DNAH9: variants seen among roughly 807,000 people sequenced by gnomAD.
DNAH9 encodes DNAH9 variant protein.
A neutral mutation model predicts 471.6 loss-of-function variants in DNAH9; 345 were observed. That is an observed-to-expected ratio of 0.73 (90% CI 0.67 to 0.80). DNAH9 has a LOEUF of 0.80. DNAH9 is among the 30% of genes least tolerant of loss of function. The pLI is 0.00. For missense variants in DNAH9, 5,407 were observed against 5,609.2 expected (o/e 0.96, Z 1.15); for synonymous variants, 2,093 against 2,123.6 (o/e 0.99, Z 0.40).
At chr17:11,945,796 C>T (rs571369465) in intron 67 of DNAH9, among the ~76,000 whole-genome samples, 6 of 151,892 alleles carry the variant, frequency 4.0e-5, no homozygotes, top group Admixed American at 1.3e-4. Flanking sequence ...CAGTGGCTCA[C>T]GCCTGTAATC....
At position 11,744,917 on chromosome 17, in the gene DNAH9, A is replaced by C. The variant is rs2075495825; in HGVS notation, c.6232A>C (p.Asn2078His). 6.2e-7 allele frequency: 1 copy of C among 1,614,042 alleles called. No homozygotes were observed. The highest frequency in any genetic ancestry group is 8.5e-7 in the Non-Finnish European group (1 of 1,180,038). The change falls in exon 31 of 69, where the codon AAC becomes CAC. Residue 2078 changes from asparagine (N) to histidine (H), a missense_variant. Physicochemically the swap from Asn to His is moderately conservative, Grantham distance 68 (BLOSUM62 1). Around this residue, in one of 3 missense-constraint regions of DNAH9, gnomAD observed 4,636 missense variants for 4,900.3 expected, o/e 0.95. Transcript: ENST00000262442. ...QVLMRSLRDF[N>H]IPKIVTDDMP... Reference sequence around the variant, plus strand: ...CCTGATGCGCTCCTTGCGGGATTTCAACATCCCCAAGATTGTGACTGATGA... The same window carrying C: ...CCTGATGCGCTCCTTGCGGGATTTCCACATCCCCAAGATTGTGACTGATGA...
chr17:11,920,035 CTTTTT>C (rs1165405913), intron 61 of DNAH9, among the ~76,000 whole-genome samples: 1 of 135,952 alleles, frequency 7.4e-6, no homozygotes. Flanking sequence ...TAAGTTCTTT[CTTTTT>C]TTTTTTTTTT....
At chr17:11,953,394 C>G (rs1185047204) in intron 67 of DNAH9, among the ~76,000 whole-genome samples, 1 of 152,192 alleles carries the variant, frequency 6.6e-6, no homozygotes, top group African/African-American at 2.4e-5. Context: ...CCCTCCTTAT[C>G]ACTCTCATTC....
At chr17:11,843,859 GTGTGTATATATATA>G (rs1234862920) in intron 49 of DNAH9, among the ~76,000 whole-genome samples, 4 of 47,014 alleles carry the variant, frequency 8.5e-5, no homozygotes, top group Admixed American at 6.5e-4. Flanking sequence ...GTGTGTGTGT[GTGTGTATATATATA>G]TATATATATA....
chr17:11,635,800 T>A (rs944935172), intron 8 of DNAH9, among the ~76,000 whole-genome samples: 1 of 152,194 alleles, frequency 6.6e-6, no homozygotes, highest in Non-Finnish European at 1.5e-5. Flanking sequence ...GCAGTCTGAA[T>A]GCACAGGAAC....
In DNAH9 at chr17:11,623,188, G is replaced by A. The variant is rs554855874; in HGVS notation, c.1350+3407G>A. On this transcript the variant is annotated intron_variant, in intron 6 of 68. Coordinates refer to ENST00000262442, the MANE Select transcript of DNAH9 (RefSeq NM_001372.4). This position sits in a 1 kb window ranked among gnomAD's most constrained non-coding sequence, Gnocchi z 4.1. ...AGGGTCTTTCTGTGTTGGTCAGGCT[G>A]GTCTTGAACTCCCAACCTCAGGAGA... Among the ~76,000 whole-genome samples, 1 of 151,800 alleles carries A rather than the reference G, an allele frequency of 6.6e-6. No individual in the cohort carries two copies. Among genetic ancestry groups the A allele is most frequent in the African/African-American group, 2.4e-5 (1 of 41,326 alleles).
In DNAH9 at chr17:11,818,896, A is replaced by G. The variant is rs187372160; in HGVS notation, c.8708-3024A>G. ...TGTCTCCATTATTACTATTATTATT[A>G]TTATTATTATTATTATTTGCAGTTT... On this transcript the variant is annotated intron_variant, in intron 45 of 68. Coordinates refer to ENST00000262442, the MANE Select transcript of DNAH9 (RefSeq NM_001372.4). Among the ~76,000 whole-genome samples, 149 of 150,080 alleles carry G rather than the reference A, an allele frequency of 9.9e-4. 3 individuals carry two copies. Among genetic ancestry groups the G allele is most frequent in the Non-Finnish European group, 1.5e-3 (98 of 67,550 alleles).
intron 67 of DNAH9, among the ~76,000 whole-genome samples, chr17:11,951,499 G>A (rs908486179): frequency 6.6e-6 from 1 of 151,832 alleles, no homozygotes; most frequent in African/African-American, 2.4e-5. Flanking sequence ...TAGCCAACAT[G>A]GCAAAATCCC....
chr17:11,670,550 G>A (rs1167554427), intron 17 of DNAH9, among the ~76,000 whole-genome samples: 1 of 152,134 alleles, frequency 6.6e-6, no homozygotes, highest in East Asian at 1.9e-4. Context: ...TGCTGGTTTT[G>A]CTTAATGCTG....
At chr17:11,910,066 TA>T (rs1371258078) in intron 61 of DNAH9, among the ~76,000 whole-genome samples, 1 of 152,094 alleles carries the variant, frequency 6.6e-6, no homozygotes, top group Non-Finnish European at 1.5e-5. Flanking sequence ...CCATCCTGGC[TA>T]ACACGGTGAA....
Position 11,613,388 on chromosome 17 carries a change from G to A in DNAH9, c.904+1608G>A, listed in dbSNP as rs141969533. Among the ~76,000 whole-genome samples the A allele has an allele frequency of 2.5e-3, 378 of 152,268 alleles. 2 individuals carry two copies. Among genetic ancestry groups the A allele is most frequent in the African/African-American group, 7.9e-3 (329 of 41,558 alleles). On this transcript the variant is annotated intron_variant, in intron 4 of 68. Coordinates refer to ENST00000262442, the MANE Select transcript of DNAH9 (RefSeq NM_001372.4). ...TGTGATCCCAGCACTTTGGGAGGCC[G>A]AGGCGGACAGATCACGAGGTCAGGA...
chr17:11,681,462 A>T (rs2150742561), intron 19 of DNAH9, among the ~76,000 whole-genome samples: 1 of 152,202 alleles, frequency 6.6e-6, no homozygotes, highest in Middle Eastern at 3.4e-3. Context: ...TTTCTCAGGG[A>T]TTTCCTCCCG....
At chr17:11,887,065 A>G (rs1224999278) in intron 57 of DNAH9, 100 bp downstream of exon 57, 18 of 1,434,650 alleles carry the variant, frequency 1.3e-5, no homozygotes, top group Non-Finnish European at 1.6e-5. Flanking sequence ...ATCATTAGCT[A>G]TGGCAAGTCT....
chr17:11,813,262 G>A (rs1248736913), intron 45 of DNAH9, among the ~76,000 whole-genome samples: 1 of 151,676 alleles, frequency 6.6e-6, no homozygotes, highest in Non-Finnish European at 1.5e-5. Flanking sequence ...TAAAATTTGT[G>A]TATACATATT....
intron 28 of DNAH9, among the ~76,000 whole-genome samples, chr17:11,736,596 C>A (rs1021144730): frequency 1.3e-5 from 2 of 152,208 alleles, no homozygotes; most frequent in African/African-American, 4.8e-5. Flanking sequence ...CTGCGGACCG[C>A]AGTTGCTGCT....
intron 38 of DNAH9, among the ~76,000 whole-genome samples, chr17:11,775,995 C>T (rs1381044980): frequency 6.6e-6 from 1 of 152,138 alleles, no homozygotes; most frequent in Non-Finnish European, 1.5e-5. Flanking sequence ...TTTCTCTAAA[C>T]ATGGATTCAG....
rs2075464471 is a variant in DNAH9 at position 11,743,601 on chromosome 17, A to G, written c.6112-1196A>G. ...CTCTCTCCCTGTCGTGTGATGCTCC[A>G]TCTCCATTGATCTTTTCTGAGTTCC... On this transcript the variant is annotated intron_variant, in intron 30 of 68. Transcript: ENST00000262442. Among the ~76,000 whole-genome samples the G allele has an allele frequency of 2.0e-5, 3 of 152,062 alleles. 1 individual carries two copies. In the South Asian group the frequency reaches 6.2e-4, roughly 32 times the overall value.
chr17:11,774,822 CATA>C (rs1449525855), intron 38 of DNAH9, among the ~76,000 whole-genome samples: 6 of 151,942 alleles, frequency 3.9e-5, no homozygotes, highest in African/African-American at 1.5e-4. Flanking sequence ...TGAAAGGCAG[CATA>C]ATCTTTTTAC....
At chr17:11,908,115 A>G (rs570767224) in intron 61 of DNAH9, among the ~76,000 whole-genome samples, 87 of 152,238 alleles carry the variant, frequency 5.7e-4, no homozygotes, top group Middle Eastern at 3.4e-3. Flanking sequence ...TATTGGTTCC[A>G]GTCCTTGCAT....
Sources: allele counts gnomAD v4.1 joint callset (sites outside exome capture counted in the v4.1 genomes callset), GRCh38; gene constraint gnomAD v4.1.1; regional missense constraint gnomAD v4.1.1; non-coding constraint Gnocchi (gnomAD v3.1); transcripts MANE v1.5; gene names NCBI Gene and HGNC (gene_info 2026-07-23, HGNC 2026-07-21).